SLC16A2: variants seen among roughly 807,000 people sequenced by gnomAD.
SLC16A2 encodes the protein solute carrier family 16 member 2.
Under a neutral mutation model 27.2 loss-of-function variants are expected in SLC16A2, and 3 were observed. That is an observed-to-expected ratio of 0.11 (90% confidence interval 0.05 to 0.28). The LOEUF (loss-of-function observed/expected upper bound fraction) is 0.28. SLC16A2 is among the 10% of genes least tolerant of loss of function. The probability of loss-of-function intolerance (pLI) is 1.00; values close to 1 mark genes in which losing one functional copy is unlikely to be tolerated. For missense variants in SLC16A2, 295 were observed against 458.5 expected, an observed-to-expected ratio of 0.64 and a Z score of 3.26; for synonymous variants, 202 against 187.8, an observed-to-expected ratio of 1.08 and a Z score of -0.62.
rs1366211648 is a variant in SLC16A2, at chrX:74,421,781, G to T, written c.144G>T (p.Pro48=). Residue 48 remains proline (P), a synonymous_variant, in exon 1 of 6, where the codon CCG becomes CCT. Coordinates refer to ENST00000587091, the MANE Select transcript of SLC16A2 (RefSeq NM_006517.5). ...EPEPEPVPVP[P]PEPQPEPQPL... Reference sequence around the variant, plus strand: ...AGCCCGAGCCCGTGCCAGTGCCCCCGCCCGAGCCCCAGCCGGAGCCCCAGC... The same window carrying T: ...AGCCCGAGCCCGTGCCAGTGCCCCCTCCCGAGCCCCAGCCGGAGCCCCAGC... The T allele has an allele frequency of 8.7e-7, 1 of 1,145,824 alleles. No individual in the cohort carries two copies. Among genetic ancestry groups the T allele is most frequent in the South Asian group, 1.9e-5 (1 of 52,692 alleles). 94.4% of individuals were successfully genotyped at this position (1,145,824 alleles called of 1,213,427 possible).
intron 1 of SLC16A2, among the ~76,000 whole-genome samples, chrX:74,495,244 G>A (rs956051137): frequency 2.7e-5 from 3 of 111,320 alleles, no homozygotes; most frequent in South Asian, 3.8e-4. Flanking sequence ...GGAAGTCTCC[G>A]GGGAGAGATC....
At chrX:74,531,209 G>C in intron 5 of SLC16A2, 124 bp from the exon 6 acceptor site, 1 of 571,215 alleles carries the variant, frequency 1.8e-6, no homozygotes, top group Non-Finnish European at 3.0e-6. Flanking sequence ...GGGAGCTCCT[G>C]AGTTAAGGCA....
intron 1 of SLC16A2, among the ~76,000 whole-genome samples, chrX:74,484,703 T>C (rs989197236): frequency 2.7e-5 from 3 of 111,852 alleles, no homozygotes; most frequent in African/African-American, 9.7e-5. Context: ...CATTTTCCCC[T>C]TTTTGGCCAA....
chrX:74,465,464 C>T (rs1373582462), intron 1 of SLC16A2, among the ~76,000 whole-genome samples: 1 of 111,173 alleles, frequency 9.0e-6, no homozygotes, highest in East Asian at 2.9e-4. Context: ...CGATCAGGTT[C>T]TTGCTGCTCT....
chrX:74,505,122 T>A (rs1334678560), intron 1 of SLC16A2, among the ~76,000 whole-genome samples: 1 of 111,808 alleles, frequency 8.9e-6, no homozygotes, highest in Non-Finnish European at 1.9e-5. Context: ...ATTCAGCCCA[T>A]CCCTGATAGT....
intron 1 of SLC16A2, among the ~76,000 whole-genome samples, chrX:74,489,161 G>A (rs926749947): frequency 1.2e-4 from 13 of 111,924 alleles, no homozygotes; most frequent in Non-Finnish European, 2.1e-4. Flanking sequence ...AATTTCAGGT[G>A]TTAGTCATTC....
Position 74,429,210 on chromosome X carries a change from G to A in SLC16A2, c.430+7143G>A, listed in dbSNP as rs183824961. On this transcript the variant is annotated intron_variant, in intron 1 of 5. Transcript: ENST00000587091. ...AGGCCAGGCCCAGTGGCTCAAGCCT[G>A]TAATCCCAGCATTTTGGGAGGCTGA... Among the ~76,000 whole-genome samples, 383 of 111,802 alleles carry A rather than the reference G, an allele frequency of 3.4e-3. 1 individual carries two copies. The highest frequency in any genetic ancestry group is 6.3e-3 in the Non-Finnish European group (333 of 53,130).
Position 74,524,783 on chromosome X carries a change from G to A in SLC16A2, c.1000G>A (p.Gly334Ser). Reference sequence around the variant, plus strand: ...CTTCGGAATTGCTGCTGCTGCCCTTGGCTACTTTGTTCCCTATGTACACCT... The same window carrying A: ...CTTCGGAATTGCTGCTGCTGCCCTTAGCTACTTTGTTCCCTATGTACACCT... ...WAFGIAAAAL[G>S]YFVPYVHLMK... The change falls in exon 3 of 6, where the codon GGC (glycine) becomes AGC (serine). Residue 334 changes from glycine (G) to serine (S), a missense_variant. Coordinates refer to ENST00000587091, the MANE Select transcript of SLC16A2 (RefSeq NM_006517.5). 8.3e-7 allele frequency: 1 copy of A among 1,210,303 alleles called. No homozygotes were observed. The highest frequency in any genetic ancestry group is 1.1e-6 in the Non-Finnish European group (1 of 895,381).
rs1930399541 is a variant in SLC16A2, at chrX:74,521,138, A to T, written c.575+4A>T. On this transcript the variant is annotated splice_donor_region_variant and intron_variant, in intron 2 of 5. Transcript: ENST00000587091. ...TCCATACCAGCTCCTTCACCAGGTA[A>T]GGCTAAGAGTTGGTGGTTATTTCCC... The T allele has an allele frequency of 8.3e-7, 1 of 1,209,898 alleles. No homozygotes were observed. Among genetic ancestry groups the T allele is most frequent in the Non-Finnish European group, 1.1e-6 (1 of 895,036 alleles).
chrX:74,519,573 G>T (rs771937350), intron 1 of SLC16A2, among the ~76,000 whole-genome samples: 3 of 104,951 alleles, frequency 2.9e-5, no homozygotes, highest in African/African-American at 1.0e-4. Context: ...AAAATTAGCC[G>T]GGCGTGGTGG....
intron 1 of SLC16A2, among the ~76,000 whole-genome samples, chrX:74,516,931 A>C (rs1381501757): frequency 1.8e-5 from 2 of 111,865 alleles, no homozygotes; most frequent in African/African-American, 6.5e-5. Flanking sequence ...AAAAAAAGTC[A>C]ATTTCAAAAG....
intron 1 of SLC16A2, among the ~76,000 whole-genome samples, chrX:74,481,349 G>A (rs771732438): frequency 9.1e-4 from 101 of 111,515 alleles, no homozygotes; most frequent in Non-Finnish European, 1.3e-3. Flanking sequence ...TATATTTAGG[G>A]GGAGCAGAGC....
In SLC16A2 at chrX:74,486,976, A is replaced by G. The variant is rs193130361; in HGVS notation, c.431-34014A>G. Among the ~76,000 whole-genome samples the G allele has an allele frequency of 4.5e-5, 5 of 112,027 alleles. No homozygotes were observed. In the Admixed American group the frequency reaches 4.7e-4, roughly 11 times the overall value. ...TGGAAACCATCATTCTGAGCAAACTATCGAAAGGATTATAAATCATGCTAC... is the reference window on the plus strand; with the variant it reads ...TGGAAACCATCATTCTGAGCAAACTGTCGAAAGGATTATAAATCATGCTAC... On this transcript the variant is annotated intron_variant, in intron 1 of 5. Transcript: ENST00000587091.
intron 1 of SLC16A2, among the ~76,000 whole-genome samples, chrX:74,487,360 A>G (rs1248434844): frequency 9.0e-6 from 1 of 111,558 alleles, no homozygotes; most frequent in Non-Finnish European, 1.9e-5. Flanking sequence ...CATATGAAAC[A>G]TATTAACTGC....
rs1929559200 is a variant in SLC16A2, at chrX:74,479,205, A to G, written c.431-41785A>G. 2.7e-5 allele frequency among the ~76,000 whole-genome samples: 3 copies of G among 110,785 alleles called. No individual in the cohort carries two copies. The South Asian group carries it at 1.1e-3, about 42-fold the overall frequency. On this transcript the variant is annotated intron_variant, in intron 1 of 5. Transcript: ENST00000587091. ...TTTCTTTTTATTCTTTTTTCTCTAA[A>G]CTTTTCTTCTCGCTTCATTTCATTC...
intron 1 of SLC16A2, among the ~76,000 whole-genome samples, chrX:74,459,501 G>A (rs1929098321): frequency 9.2e-6 from 1 of 108,931 alleles, no homozygotes; most frequent in Non-Finnish European, 1.9e-5. Flanking sequence ...CCCCACTGGG[G>A]CTCTGCCACT....
intron 1 of SLC16A2, among the ~76,000 whole-genome samples, chrX:74,479,201 C>A: frequency 9.0e-6 from 1 of 111,399 alleles, no homozygotes; most frequent in Non-Finnish European, 1.9e-5. Context: ...TCTTTTTTCT[C>A]TAAACTTTTC....
At chrX:74,444,462 T>C (rs900585913) in intron 1 of SLC16A2, among the ~76,000 whole-genome samples, 1 of 110,840 alleles carries the variant, frequency 9.0e-6, no homozygotes, top group Non-Finnish European at 1.9e-5. Context: ...TGTTATTTGT[T>C]ACAGGGGAAG....
chrX:74,501,454 AAAAG>A (rs1016898085), intron 1 of SLC16A2, among the ~76,000 whole-genome samples: 14 of 111,527 alleles, frequency 1.3e-4, no homozygotes, highest in Non-Finnish European at 5.7e-5. Flanking sequence ...CCTGTTGATG[AAAAG>A]ACTTTTCAGA....
Sources: allele counts gnomAD v4.1 joint callset (sites outside exome capture counted in the v4.1 genomes callset), GRCh38; gene constraint gnomAD v4.1.1; transcripts MANE v1.5; gene names NCBI Gene and HGNC (gene_info 2026-07-23, HGNC 2026-07-21).